The following CDK5RAP2 variants were observed in gnomAD, a reference collection of about 807,000 sequenced individuals.
CDK5RAP2 encodes CDK5 regulatory subunit associated protein 2.
A neutral mutation model predicts 232.9 loss-of-function variants in CDK5RAP2; 147 were observed. The observed-to-expected ratio is 0.63, with a 90% CI of 0.55 to 0.72. The LOEUF (loss-of-function observed/expected upper bound fraction) is 0.72, where lower values mean the gene tolerates loss of function less well. Among genes scored for constraint, CDK5RAP2 ranks in the 30% least tolerant of loss-of-function variants. CDK5RAP2 has a pLI of 0.00. For synonymous variants in CDK5RAP2, 833 were observed against 833.7 expected (o/e 1.00, Z 0.01); for missense variants, 2,195 against 2,231.5 (o/e 0.98, Z 0.33).
chr9:120,467,593 C>CATAT (rs890951094), intron 18 of CDK5RAP2, among the ~76,000 whole-genome samples: 2 of 152,110 alleles, frequency 1.3e-5, no homozygotes, highest in African/African-American at 4.8e-5. Context: ...TACATACATA[C>CATAT]ATATATATAA....
chr9:120,394,558 C>G lies in CDK5RAP2; in HGVS notation c.5532G>C (p.Lys1844Asn), dbSNP rs746197980. 1 of 1,614,074 alleles carries G rather than the reference C, an allele frequency of 6.2e-7. No homozygotes were observed. The highest frequency in any genetic ancestry group is 1.3e-5 in the African/African-American group (1 of 74,936). The change falls in exon 36 of 38, where the codon AAG (lysine) becomes AAC (asparagine). Residue 1844 changes from lysine (K) to asparagine (N), a missense_variant. Coordinates refer to ENST00000349780, the MANE Select transcript of CDK5RAP2 (RefSeq NM_018249.6). Reference sequence around the variant, plus strand: ...CCTGGCGCTTGCTCAGCTGCAAAAGCTTCATGGTGTTTTGCAACTTCTTTT... The same window carrying G: ...CCTGGCGCTTGCTCAGCTGCAAAAGGTTCATGGTGTTTTGCAACTTCTTTT... Reference protein sequence around the residue: ...EQEKKLQNTMKLLQLSKRQEK... With the variant: ...EQEKKLQNTMNLLQLSKRQEK...
intron 14 of CDK5RAP2, among the ~76,000 whole-genome samples, chr9:120,481,756 G>A (rs993992017): frequency 2.0e-5 from 3 of 152,022 alleles, no homozygotes; most frequent in Non-Finnish European, 4.4e-5. Context: ...CAGGCAATCC[G>A]CCCACCTGGG....
chr9:120,474,174 G>A (rs2037878350), intron 15 of CDK5RAP2, among the ~76,000 whole-genome samples: 1 of 152,126 alleles, frequency 6.6e-6, no homozygotes, highest in Non-Finnish European at 1.5e-5. Flanking sequence ...TATTACATGG[G>A]AAAGACGTTA....
chr9:120,395,267 T>C (rs1289905047), intron 35 of CDK5RAP2, among the ~76,000 whole-genome samples: 2 of 152,240 alleles, frequency 1.3e-5, no homozygotes, highest in Non-Finnish European at 2.9e-5. Flanking sequence ...GTCATCAAAA[T>C]GTTAACAGCA....
At chr9:120,449,516 C>T (rs1321784715) in intron 21 of CDK5RAP2, among the ~76,000 whole-genome samples, 1 of 152,218 alleles carries the variant, frequency 6.6e-6, no homozygotes, top group Non-Finnish European at 1.5e-5. Flanking sequence ...AACTAGTACA[C>T]AGTAGGTACT....
chr9:120,536,133 A>G (rs1405785086), intron 7 of CDK5RAP2, among the ~76,000 whole-genome samples: 1 of 152,228 alleles, frequency 6.6e-6, no homozygotes, highest in Non-Finnish European at 1.5e-5. Flanking sequence ...ACTTTTTAGC[A>G]TGAATGTCTA....
chr9:120,573,530 T>C (rs1392692436), intron 1 of CDK5RAP2, among the ~76,000 whole-genome samples: 1 of 143,660 alleles, frequency 7.0e-6, no homozygotes, highest in Non-Finnish European at 1.5e-5. Flanking sequence ...GCCTGGGTGA[T>C]AGAGTGAGAC....
At chr9:120,484,563 A>C (rs2038493265) in intron 14 of CDK5RAP2, among the ~76,000 whole-genome samples, 1 of 152,040 alleles carries the variant, frequency 6.6e-6, no homozygotes, top group African/African-American at 2.4e-5. Flanking sequence ...CTCTACCAAA[A>C]CTACAAAAAA....
At chr9:120,444,798 T>A (rs940982012) in intron 22 of CDK5RAP2, among the ~76,000 whole-genome samples, 2 of 152,352 alleles carry the variant, frequency 1.3e-5, no homozygotes, top group East Asian at 3.9e-4. Flanking sequence ...GAAAAGTTAG[T>A]CACAGTGTGA....
chr9:120,530,344 C>T (rs2041096324), intron 7 of CDK5RAP2, among the ~76,000 whole-genome samples: 1 of 152,156 alleles, frequency 6.6e-6, no homozygotes, highest in African/African-American at 2.4e-5. Flanking sequence ...TCCAGCCTGG[C>T]TCCAGTCAAT....
At position 120,409,136 on chromosome 9, in the gene CDK5RAP2, T is replaced by A. The variant is rs367613839; in HGVS notation, c.4595A>T (p.Glu1532Val). Residue 1532 changes from glutamate (E) to valine (V), a missense_variant, in exon 30 of 38, where the codon GAG (glutamate) becomes GTG (valine). Glu to Val is a moderately radical substitution (Grantham distance 121, BLOSUM62 -2). Transcript: ENST00000349780. The part of the protein sequence containing the change: ...LIQEVRCSGQ[E>V]LSRVQEEVKL... ...GAAGCACAGCCACTACCTGCTCAGC[T>A]CCTGGCCGCTGCAGCGGACCTCCTG... 8.6e-5 allele frequency: 139 copies of A among 1,611,808 alleles called. 4 individuals carry two copies. In the South Asian group the frequency reaches 1.5e-3, roughly 17 times the overall value.
intron 14 of CDK5RAP2, among the ~76,000 whole-genome samples, chr9:120,486,135 C>T (rs1203004608): frequency 6.6e-6 from 1 of 152,158 alleles, no homozygotes; most frequent in Non-Finnish European, 1.5e-5. Flanking sequence ...GCCCTGGTCC[C>T]TCCCTAGGGA....
intron 14 of CDK5RAP2, among the ~76,000 whole-genome samples, chr9:120,485,057 T>G (rs2038524059): frequency 6.6e-6 from 1 of 152,104 alleles, no homozygotes; most frequent in African/African-American, 2.4e-5. Context: ...CAATTCATCT[T>G]GTAGAACACT....
chr9:120,462,882 C>T lies in CDK5RAP2; in HGVS notation c.2107-2215G>A, dbSNP rs555142874. ...ACTATAAGCATTTATTGAAGATATGCACATTGAAGTACTTGGGGGAAGTAT... is the reference window on the plus strand; with the variant it reads ...ACTATAAGCATTTATTGAAGATATGTACATTGAAGTACTTGGGGGAAGTAT... On this transcript the variant is annotated intron_variant, in intron 18 of 37. Transcript: ENST00000349780. 7.9e-5 allele frequency among the ~76,000 whole-genome samples: 12 copies of T among 152,232 alleles called. No homozygotes were observed. In the South Asian group the frequency reaches 1.5e-3, roughly 18 times the overall value.
chr9:120,429,899 C>T (rs938422799), intron 25 of CDK5RAP2, among the ~76,000 whole-genome samples: 2 of 152,128 alleles, frequency 1.3e-5, no homozygotes, highest in East Asian at 1.9e-4. Flanking sequence ...ATGGTACTGG[C>T]ACCAAAAGAG....
At chr9:120,395,517 A>G (rs2032388193) in intron 35 of CDK5RAP2, among the ~76,000 whole-genome samples, 1 of 152,218 alleles carries the variant, frequency 6.6e-6, no homozygotes, top group Admixed American at 6.5e-5. Flanking sequence ...GAGCCCTCTG[A>G]GCCAGTCTCC....
chr9:120,401,198 C>T lies in CDK5RAP2; in HGVS notation c.5308-313G>A, dbSNP rs1547266. 0.2 allele frequency among the ~76,000 whole-genome samples: 30,282 copies of T among 151,602 alleles called. 3,305 individuals carry two copies. Among genetic ancestry groups the T allele is most frequent in the East Asian group, 0.28 (1,412 of 5,126 alleles). ...TGGGAGGGCCATTCTTACTGTTTGG[C>T]GACCCACAGAGACTCGCCCAGAGAA... On this transcript the variant is annotated intron_variant, in intron 34 of 37. Coordinates refer to ENST00000349780, the MANE Select transcript of CDK5RAP2 (RefSeq NM_018249.6).
chr9:120,500,093 C>T (rs2039505542), intron 12 of CDK5RAP2, among the ~76,000 whole-genome samples: 1 of 152,196 alleles, frequency 6.6e-6, no homozygotes, highest in Non-Finnish European at 1.5e-5. Context: ...CTTGGCTCTG[C>T]TCATCCTTTT....
chr9:120,568,247 G>T, intron 3 of CDK5RAP2, 74 bp downstream of exon 3: 1 of 1,191,798 alleles, frequency 8.4e-7, no homozygotes, highest in Non-Finnish European at 1.3e-6. Context: ...AAGAAACACA[G>T]CTTTCCTGGG....
Sources: allele counts gnomAD v4.1 joint callset (sites outside exome capture counted in the v4.1 genomes callset), GRCh38; gene constraint gnomAD v4.1.1; transcripts MANE v1.5; gene names NCBI Gene and HGNC (gene_info 2026-07-23, HGNC 2026-07-21).